The following CDH12 variants were observed in gnomAD, a reference collection of about 807,000 sequenced individuals.
The protein encoded by CDH12 is cadherin 12, also known as cadherin-12.
CDH12 carries 41 observed loss-of-function variants against 74.1 expected under a neutral mutation model. The ratio of observed to expected loss-of-function variants is 0.55; its 90% confidence interval spans 0.43 to 0.72. The LOEUF (loss-of-function observed/expected upper bound fraction) is 0.72. Among genes scored for constraint, CDH12 ranks in the 30% least tolerant of loss-of-function variants. The pLI is 0.00. For synonymous variants in CDH12, 399 were observed against 355.0 expected (o/e 1.12, Z -1.39); for missense variants, 945 against 977.2 (o/e 0.97, Z 0.44).
chr5:22,257,411 T>G (rs1392462930), intron 3 of CDH12, among the ~76,000 whole-genome samples: 3 of 151,990 alleles, frequency 2.0e-5, no homozygotes, highest in African/African-American at 7.2e-5. Flanking sequence ...GAAAATATTT[T>G]TGTACATCTG....
intron 6 of CDH12, among the ~76,000 whole-genome samples, chr5:21,872,921 C>CT (rs1554039681): frequency 6.7e-6 from 1 of 149,592 alleles, no homozygotes; most frequent in Admixed American, 6.7e-5. Context: ...ATCTATCTAT[C>CT]ATCTTCCTAT....
At chr5:21,930,328 CT>C (rs1754776270) in intron 6 of CDH12, among the ~76,000 whole-genome samples, 1 of 152,106 alleles carries the variant, frequency 6.6e-6, no homozygotes, top group South Asian at 2.1e-4. Flanking sequence ...GTGGAGGAAA[CT>C]TTTCTTATTA....
At chr5:22,590,143 A>C (rs1561512692) in intron 1 of CDH12, among the ~76,000 whole-genome samples, 2 of 152,172 alleles carry the variant, frequency 1.3e-5, no homozygotes, top group Non-Finnish European at 2.9e-5. Flanking sequence ...TGGATAATGT[A>C]CCTAAATGAT....
chr5:22,743,516 A>G lies in CDH12; in HGVS notation c.-523+109542T>C, dbSNP rs115870660. On this transcript the variant is annotated intron_variant, in intron 1 of 14. Coordinates refer to ENST00000382254, the MANE Select transcript of CDH12 (RefSeq NM_004061.5). ...CAAAAAGCTATTCCTTTCAGGATGTAGTCATCCAGATTTTTAGCATTCTCA... is the reference window on the plus strand; with the variant it reads ...CAAAAAGCTATTCCTTTCAGGATGTGGTCATCCAGATTTTTAGCATTCTCA... Among the ~76,000 whole-genome samples the G allele has an allele frequency of 2.6e-3, 401 of 152,094 alleles. 1 individual carries two copies. The highest frequency in any genetic ancestry group is 9.1e-3 in the African/African-American group (378 of 41,550).
intron 5 of CDH12, among the ~76,000 whole-genome samples, chr5:22,019,258 T>G (rs764095633): frequency 6.6e-6 from 1 of 152,306 alleles, no homozygotes; most frequent in African/African-American, 2.4e-5. Context: ...CCTTATCTTT[T>G]TGTGGGTGAT....
intron 1 of CDH12, among the ~76,000 whole-genome samples, chr5:22,675,209 G>A (rs962116379): frequency 6.6e-5 from 10 of 152,124 alleles, no homozygotes; most frequent in Non-Finnish European, 1.3e-4. Context: ...TGTGCTGGGC[G>A]CAGTCTAGGG....
In CDH12 at chr5:22,525,346, A is replaced by G. The variant is rs143815024; in HGVS notation, c.-522-19982T>C. On this transcript the variant is annotated intron_variant, in intron 1 of 14. Coordinates refer to ENST00000382254, the MANE Select transcript of CDH12 (RefSeq NM_004061.5). ...CAAATCACATGACCATGACCAAGTT[A>G]CACTCAGTAGAATGGGACAGGGGAT... 2.5e-3 allele frequency among the ~76,000 whole-genome samples: 376 copies of G among 152,288 alleles called. 4 individuals carry two copies. Among genetic ancestry groups the G allele is most frequent in the African/African-American group, 8.4e-3 (349 of 41,566 alleles).
At chr5:22,792,721 T>C (rs896196919) in intron 1 of CDH12, among the ~76,000 whole-genome samples, 1 of 152,148 alleles carries the variant, frequency 6.6e-6, no homozygotes, top group East Asian at 1.9e-4. Flanking sequence ...TTCTGTTGGG[T>C]TGATCAAATA....
chr5:22,054,246 AC>A (rs1245927545), intron 5 of CDH12, among the ~76,000 whole-genome samples: 1 of 152,036 alleles, frequency 6.6e-6, no homozygotes. Flanking sequence ...CCTCCTCTTA[AC>A]TTCTTCACCT....
intron 2 of CDH12, among the ~76,000 whole-genome samples, chr5:22,487,233 C>G (rs1746644058): frequency 6.6e-6 from 1 of 151,914 alleles, no homozygotes; most frequent in Non-Finnish European, 1.5e-5. Flanking sequence ...AACTCCTGAC[C>G]TCAGGTGATC....
chr5:21,776,559 C>T (rs1308862170), intron 11 of CDH12, among the ~76,000 whole-genome samples: 2 of 152,134 alleles, frequency 1.3e-5, no homozygotes. Context: ...ATATGATCCA[C>T]TTCCGATTAC....
At chr5:21,918,709 G>A (rs1356611825) in intron 6 of CDH12, among the ~76,000 whole-genome samples, 1 of 152,104 alleles carries the variant, frequency 6.6e-6, no homozygotes, top group African/African-American at 2.4e-5. Context: ...TCCCACTCTT[G>A]ACACATGGTG....
intron 11 of CDH12, among the ~76,000 whole-genome samples, 153 bp downstream of exon 11, chr5:21,783,205 T>C (rs1360779122): frequency 2.0e-5 from 3 of 152,080 alleles, no homozygotes; most frequent in East Asian, 1.9e-4. Flanking sequence ...TCTGGACTTA[T>C]GCTCTGAGGA....
At chr5:22,013,396 C>T (rs1357151535) in intron 5 of CDH12, among the ~76,000 whole-genome samples, 4 of 152,064 alleles carry the variant, frequency 2.6e-5, no homozygotes, top group East Asian at 1.9e-4. Context: ...GTGGGGATTA[C>T]GGAGATTATA....
chr5:22,430,362 C>CT (rs1374676153), intron 2 of CDH12, among the ~76,000 whole-genome samples: 1 of 151,764 alleles, frequency 6.6e-6, no homozygotes, highest in African/African-American at 2.4e-5. Context: ...AAGAAGGAAA[C>CT]TGGTGGCTAC....
intron 11 of CDH12, among the ~76,000 whole-genome samples, chr5:21,773,747 T>G (rs1235849057): frequency 6.6e-6 from 1 of 152,196 alleles, no homozygotes; most frequent in Non-Finnish European, 1.5e-5. Context: ...CTAAGGAATA[T>G]TCACCCTTAT....
chr5:22,326,518 A>G (rs1272173437), intron 3 of CDH12, among the ~76,000 whole-genome samples: 3 of 152,184 alleles, frequency 2.0e-5, no homozygotes, highest in Non-Finnish European at 2.9e-5. Flanking sequence ...TACAGGCGTG[A>G]GCCACCGCGC....
At chr5:22,305,898 C>T (rs113128184) in intron 3 of CDH12, among the ~76,000 whole-genome samples, 1 of 152,100 alleles carries the variant, frequency 6.6e-6, no homozygotes, top group African/African-American at 2.4e-5. Flanking sequence ...CACCTTCTTG[C>T]CCACTTTCAC....
intron 1 of CDH12, among the ~76,000 whole-genome samples, chr5:22,553,701 A>C (rs191399522): frequency 6.6e-6 from 1 of 152,184 alleles, no homozygotes; most frequent in East Asian, 1.9e-4. Context: ...ACTTCTTCCC[A>C]AATTGATCTA....
Sources: allele counts gnomAD v4.1 joint callset (sites outside exome capture counted in the v4.1 genomes callset), GRCh38; gene constraint gnomAD v4.1.1; transcripts MANE v1.5; gene names NCBI Gene and HGNC (gene_info 2026-07-23, HGNC 2026-07-21).